RGS3: variants seen among roughly 807,000 people sequenced by gnomAD.
RGS3 encodes the protein regulator of G-protein signalling 3.
RGS3 carries 80 observed loss-of-function variants against 132.6 expected under a neutral mutation model. That is an observed-to-expected ratio of 0.60 (90% CI 0.50 to 0.73). The LOEUF (loss-of-function observed/expected upper bound fraction) is 0.73, where lower values mean the gene tolerates loss of function less well. Ranked by LOEUF, RGS3 falls within the 30% of genes least tolerant of loss-of-function variation. The probability of loss-of-function intolerance (pLI) is 0.00; values close to 1 mark genes in which losing one functional copy is unlikely to be tolerated. For missense variants in RGS3, 1,382 were observed against 1,530.8 expected (o/e 0.90, Z 1.62); for synonymous variants, 598 against 620.6 (o/e 0.96, Z 0.54).
chr9:113,506,346 A>T lies in RGS3; in HGVS notation c.980-42A>T. 1 of 1,299,200 alleles carries T rather than the reference A, an allele frequency of 7.7e-7. No homozygotes were observed. Among genetic ancestry groups the T allele is most frequent in the Non-Finnish European group, 1.1e-6 (1 of 913,960 alleles). 80.5% of individuals were successfully genotyped at this position (1,299,200 alleles called of 1,614,324 possible). On this transcript the variant is annotated intron_variant, in intron 11 of 24. Coordinates refer to ENST00000350696, the Ensembl canonical transcript of RGS3. The surrounding 1 kb of genome is among the most constrained non-coding windows in gnomAD (Gnocchi z 4.7). ...ACTCCAGATCCTTTGAAGGGGTCTTAGGCTTCAGGGGCCCCTGAATGGCTT... is the reference window on the plus strand; with the variant it reads ...ACTCCAGATCCTTTGAAGGGGTCTTTGGCTTCAGGGGCCCCTGAATGGCTT...
chr9:113,595,681 CAAG>C, exon 24 of RGS3: 4 of 1,614,162 alleles, frequency 2.5e-6, no homozygotes, highest in Non-Finnish European at 3.4e-6. Flanking sequence ...GTGAGGACTT[CAAG>C]AAGGTCAAGT....
At chr9:113,479,807 C>T (rs1030105863) in intron 4 of RGS3, among the ~76,000 whole-genome samples, 3 of 152,214 alleles carry the variant, frequency 2.0e-5, no homozygotes, top group Non-Finnish European at 2.9e-5. Flanking sequence ...CCTCAACTTC[C>T]TTCTTGGCCC....
intron 1 of RGS3, among the ~76,000 whole-genome samples, chr9:113,449,247 A>G (rs1289637238): frequency 6.6e-6 from 1 of 152,188 alleles, no homozygotes; most frequent in East Asian, 1.9e-4. Flanking sequence ...GATGTCAATA[A>G]GAATGGAGAC....
At chr9:113,581,884 C>T (rs1834832071) in intron 19 of RGS3, 4 of 266,626 alleles carry the variant, frequency 1.5e-5, no homozygotes, top group Non-Finnish European at 2.3e-5. Flanking sequence ...TGTCTTTGGC[C>T]TGTGAGCCAT....
exon 25 of RGS3, chr9:113,597,643 G>A (rs1174166284): frequency 6.6e-6 from 1 of 152,318 alleles, no homozygotes; most frequent in African/African-American, 2.4e-5. Flanking sequence ...TGGGTGGAGT[G>A]TCCCTCGGGG....
At chr9:113,508,049 G>C (rs558686689) in intron 13 of RGS3, among the ~76,000 whole-genome samples, 1 of 152,254 alleles carries the variant, frequency 6.6e-6, no homozygotes, top group African/African-American at 2.4e-5. Context: ...GAGATGCTCT[G>C]GGAAAAAGGT....
At chr9:113,578,466 T>C (rs1834636627) in intron 19 of RGS3, among the ~76,000 whole-genome samples, 1 of 152,154 alleles carries the variant, frequency 6.6e-6, no homozygotes, top group Non-Finnish European at 1.5e-5. Context: ...CTCCCCCTAA[T>C]GTAAGTACCG....
exon 3 of RGS3, chr9:113,462,152 A>G (rs752079464): frequency 4.3e-6 from 7 of 1,614,018 alleles, no homozygotes; most frequent in Non-Finnish European, 5.1e-6. Flanking sequence ...AGTGGACTCA[A>G]ACTTCTCCAG....
chr9:113,557,635 T>G (rs1833620685), intron 19 of RGS3, among the ~76,000 whole-genome samples: 1 of 152,078 alleles, frequency 6.6e-6, no homozygotes. Flanking sequence ...ACCAGCATGG[T>G]CCTCACCCCA....
intron 1 of RGS3, among the ~76,000 whole-genome samples, chr9:113,448,972 G>T (rs1443876106): frequency 2.0e-5 from 3 of 152,122 alleles, no homozygotes; most frequent in African/African-American, 4.8e-5. Flanking sequence ...TGGGGAGCAG[G>T]CAAGGAGCAT....
At chr9:113,549,103 T>A (rs1010513549) in intron 19 of RGS3, among the ~76,000 whole-genome samples, 23 of 152,140 alleles carry the variant, frequency 1.5e-4, no homozygotes, top group South Asian at 4.1e-4. Context: ...TCAGGACCTT[T>A]CCCTGCCCCT....
intron 19 of RGS3, among the ~76,000 whole-genome samples, chr9:113,556,532 G>C (rs1833573366): frequency 6.6e-6 from 1 of 152,180 alleles, no homozygotes; most frequent in Non-Finnish European, 1.5e-5. Context: ...AGATTGAGCA[G>C]ATTATACAAG....
rs944223744 is a variant in RGS3, at chr9:113,537,851, C to G, written c.2037+933C>G. Reference sequence around the variant, plus strand: ...CAGGAGGTAGGGAAGAGGCAGTTGGCAGCCTCTTCTGAGGGCCAGAGGTGG... The same window carrying G: ...CAGGAGGTAGGGAAGAGGCAGTTGGGAGCCTCTTCTGAGGGCCAGAGGTGG... On this transcript the variant is annotated intron_variant, in intron 19 of 24. Transcript: ENST00000350696. The surrounding 1 kb of genome is among the most constrained non-coding windows in gnomAD (Gnocchi z 4.3). 1.3e-5 allele frequency among the ~76,000 whole-genome samples: 2 copies of G among 152,168 alleles called. No individual in the cohort carries two copies. Among genetic ancestry groups the G allele is most frequent in the African/African-American group, 4.8e-5 (2 of 41,448 alleles).
At chr9:113,528,997 G>T (rs951175833) in intron 17 of RGS3, among the ~76,000 whole-genome samples, 1 of 152,148 alleles carries the variant, frequency 6.6e-6, no homozygotes, top group South Asian at 2.1e-4. Context: ...CATTCCTTGG[G>T]CCAGGCTGAC....
intron 19 of RGS3, among the ~76,000 whole-genome samples, chr9:113,553,463 T>A (rs28405713): frequency 0.3 from 10,310 of 34,664 alleles, 968 homozygotes; most frequent in East Asian, 0.42. Context: ...AAAAAAAATA[T>A]ATATATATAT....
intron 1 of RGS3, among the ~76,000 whole-genome samples, chr9:113,446,305 A>G (rs775674962): frequency 1.4e-4 from 22 of 152,232 alleles, no homozygotes; most frequent in Non-Finnish European, 2.5e-4. Flanking sequence ...ATATTAGAGA[A>G]TCATCCCTTA....
chr9:113,578,462 C>T (rs749280394), intron 19 of RGS3, among the ~76,000 whole-genome samples: 22 of 152,216 alleles, frequency 1.4e-4, no homozygotes, highest in Non-Finnish European at 1.9e-4. Flanking sequence ...GGAGCTCCCC[C>T]TAATGTAAGT....
chr9:113,568,629 C>T (rs922003172), intron 19 of RGS3, among the ~76,000 whole-genome samples: 1 of 152,236 alleles, frequency 6.6e-6, no homozygotes, highest in African/African-American at 2.4e-5. Context: ...CAGGAGCCTT[C>T]GCATGCAAGC....
intron 10 of RGS3, among the ~76,000 whole-genome samples, chr9:113,498,955 G>A (rs868246379): frequency 2.0e-5 from 3 of 148,928 alleles, no homozygotes; most frequent in Middle Eastern, 3.6e-3. Context: ...GACCGGGCAC[G>A]GTGGCTGATG....
Sources: gnomAD v4.1 joint callset for allele counts (sites outside exome capture counted in the v4.1 genomes callset) on GRCh38, gnomAD v4.1.1 for gene constraint, Gnocchi (gnomAD v3.1) non-coding constraint, MANE v1.5 for transcripts, NCBI Gene and HGNC (gene_info 2026-07-23, HGNC 2026-07-21) for gene names.